The following AIRIM variants were observed in gnomAD, a reference collection of about 807,000 sequenced individuals.
The protein encoded by AIRIM is AFG2 interacting ribosome maturation factor, also known as AFG2-interacting ribosome maturation factor.
At chr1:37,688,990 G>A in the AIRIM span, among the ~76,000 whole-genome samples, 1 of 138,774 alleles carries the variant, frequency 7.2e-6, no homozygotes, top group African/African-American at 2.7e-5. Context: ...AAAAAAATCT[G>A]TAACGCAGGC....
chr1:37,689,978 G>A, the AIRIM span: 23 of 1,454,698 alleles, frequency 1.6e-5, no homozygotes, highest in African/African-American at 2.8e-4. Context: ...CTCTGTTATC[G>A]TGTTCAGACA....
chr1:37,683,567 T>C, the AIRIM span: 1 of 994,354 alleles, frequency 1.0e-6, no homozygotes, highest in Non-Finnish European at 1.5e-6. Flanking sequence ...CAGGTGGGCC[T>C]GATTCACCTA....
chr1:37,686,394 T>A, the AIRIM span: 1 of 1,614,124 alleles, frequency 6.2e-7, no homozygotes, highest in East Asian at 2.2e-5. Context: ...TGCTCATAGA[T>A]CTGAAACACT....
At chr1:37,683,415 G>C in the AIRIM span, 2 of 1,613,872 alleles carry the variant, frequency 1.2e-6, no homozygotes, top group African/African-American at 2.7e-5. Context: ...ATAGACGAAA[G>C]AAGATACTTT....
the AIRIM span, among the ~76,000 whole-genome samples, chr1:37,688,723 C>T: frequency 6.6e-6 from 1 of 152,096 alleles, no homozygotes; most frequent in Non-Finnish European, 1.5e-5. Flanking sequence ...CAAGGAAAGG[C>T]CACACATGCC....
the AIRIM span, among the ~76,000 whole-genome samples, chr1:37,688,526 T>C: frequency 1.1e-4 from 16 of 152,230 alleles, no homozygotes; most frequent in East Asian, 1.5e-3. Flanking sequence ...TTATTTCTTC[T>C]ACTCAACTAA....
At chr1:37,688,169 G>C in the AIRIM span, among the ~76,000 whole-genome samples, 1 of 152,136 alleles carries the variant, frequency 6.6e-6, no homozygotes, top group Non-Finnish European at 1.5e-5. Context: ...AGATTCTCCT[G>C]CCTCAGCCTC....
chr1:37,681,572 C>T, the AIRIM span: 15 of 152,258 alleles, frequency 9.9e-5, no homozygotes, highest in African/African-American at 3.6e-4. Context: ...CACTTAAATG[C>T]TTTTTAAGTT....
the AIRIM span, chr1:37,689,480 G>A: frequency 8.4e-5 from 97 of 1,160,422 alleles, no homozygotes; most frequent in African/African-American, 1.6e-4. Flanking sequence ...AAGTAAGGAA[G>A]GTTGAGATAC....
At chr1:37,683,355 G>A in the AIRIM span, 65 of 1,613,928 alleles carry the variant, frequency 4.0e-5, no homozygotes, top group South Asian at 9.9e-5. Flanking sequence ...TTTGAAATTC[G>A]GTCCCAGGCC....
At chr1:37,690,300 A>T in the AIRIM span, 1 of 1,291,268 alleles carries the variant, frequency 7.7e-7, no homozygotes, top group Non-Finnish European at 1.0e-6. Flanking sequence ...CAGCTTTCTG[A>T]AGGAGACCCT....
At chr1:37,689,606 A>G in the AIRIM span, 2 of 1,595,642 alleles carry the variant, frequency 1.3e-6, no homozygotes, top group South Asian at 2.2e-5. Context: ...AGCTGCTTAC[A>G]GCCTTTCCCC....
the AIRIM span, among the ~76,000 whole-genome samples, chr1:37,685,202 G>GGGGGGGGC: frequency 8.1e-6 from 1 of 124,110 alleles, no homozygotes; most frequent in Non-Finnish European, 1.7e-5. Context: ...TGGGGGGGGG[G>GGGGGGGGC]GGTGGGCGGG....
At chr1:37,682,920 A>G in the AIRIM span, 2 of 589,984 alleles carry the variant, frequency 3.4e-6, no homozygotes, top group African/African-American at 3.8e-5. Context: ...TGGCTCACAT[A>G]CTCTCAGCCA....
At chr1:37,686,213 CTGAAATT>C in the AIRIM span, 2 of 1,473,284 alleles carry the variant, frequency 1.4e-6, no homozygotes, top group Non-Finnish European at 1.8e-6. Flanking sequence ...CTTGTGAAAA[CTGAAATT>C]TGAAAGACTT....
the AIRIM span, chr1:37,690,174 G>C: frequency 8.7e-7 from 1 of 1,147,644 alleles, no homozygotes; most frequent in Non-Finnish European, 1.2e-6. Context: ...CCGCCAACAC[G>C]CCTGGCTAAT....
the AIRIM span, chr1:37,686,389 A>G: frequency 6.2e-7 from 1 of 1,614,172 alleles, no homozygotes; most frequent in Non-Finnish European, 8.5e-7. Flanking sequence ...CGTGTTGCTC[A>G]TAGATCTGAA....
At chr1:37,682,207 C>T in the AIRIM span, 1 of 152,142 alleles carries the variant, frequency 6.6e-6, no homozygotes, top group Admixed American at 6.5e-5. Flanking sequence ...AAGTTATTTT[C>T]ATTTTTGAAA....
At chr1:37,683,135 G>A in the AIRIM span, 2 of 1,612,970 alleles carry the variant, frequency 1.2e-6, no homozygotes, top group Non-Finnish European at 1.7e-6. Context: ...ACTCTTCCAG[G>A]AAGAAGGAAA....
Sources: gnomAD v4.1 joint callset for allele counts (sites outside exome capture counted in the v4.1 genomes callset) on GRCh38, gnomAD v4.1.1 for gene constraint, MANE v1.5 for transcripts, NCBI Gene and HGNC (gene_info 2026-07-23, HGNC 2026-07-21) for gene names.